The following PPP2R1B variants were observed in gnomAD, a reference collection of about 807,000 sequenced individuals.
The protein encoded by PPP2R1B is protein phosphatase 2 scaffold subunit Abeta.
Under a neutral mutation model 72.7 loss-of-function variants are expected in PPP2R1B, and 58 were observed. The ratio of observed to expected loss-of-function variants is 0.80; its 90% CI spans 0.65 to 0.99. The LOEUF is 0.99. Ranked by LOEUF, PPP2R1B falls within the 50% of genes least tolerant of loss-of-function variation. The pLI, the probability that PPP2R1B is intolerant of heterozygous loss-of-function variation, is 0.00. For missense variants in PPP2R1B, 695 were observed against 733.6 expected (o/e 0.95, Z 0.61); for synonymous variants, 256 against 264.6 (o/e 0.97, Z 0.32).
chr11:111,730,897 T>A (rs1944169014), intron 15 of PPP2R1B: 1 of 152,254 alleles, frequency 6.6e-6, no homozygotes, highest in Admixed American at 6.5e-5. Flanking sequence ...ATAGGGTTTT[T>A]GCCTCATCGG....
At chr11:111,746,929 C>T (rs1159357185) in intron 11 of PPP2R1B, among the ~76,000 whole-genome samples, 2 of 152,182 alleles carry the variant, frequency 1.3e-5, no homozygotes, top group Non-Finnish European at 2.9e-5. Context: ...TTCCTCTTCA[C>T]ACTCTTAACC....
Position 111,759,962 on chromosome 11 carries a change from A to C in PPP2R1B, c.540-11T>G. On this transcript the variant is annotated splice_polypyrimidine_tract_variant and intron_variant, in intron 4 of 14. Transcript: ENST00000527614. ...AAGGAACGGAATTGCCTGCAACATA[A>C]AACAATGAAGGTATTTCCCATCAAA... is the stretch of plus-strand genomic sequence containing the variant. 6.2e-7 allele frequency: 1 copy of C among 1,612,510 alleles called. No individual in the cohort carries two copies. Among genetic ancestry groups the C allele is most frequent in the Non-Finnish European group, 8.5e-7 (1 of 1,178,908 alleles).
chr11:111,733,293 G>A (rs895223883), downstream of PPP2R1B, among the ~76,000 whole-genome samples: 2 of 152,162 alleles, frequency 1.3e-5, no homozygotes, highest in Non-Finnish European at 2.9e-5. Flanking sequence ...GGGAAAGCAT[G>A]AGCTGGGCTG....
At position 111,766,261 on chromosome 11, in the gene PPP2R1B, T is replaced by C. The variant is rs541354746; in HGVS notation, c.101A>G (p.Asn34Ser). Residue 34 changes from asparagine to serine, a missense_variant, in exon 1 of 15, where the codon AAT becomes AGT. Asn to Ser is a conservative substitution (Grantham distance 46, BLOSUM62 1). Transcript: ENST00000527614. ...PIAVLIDELR[N>S]EDVQLRLNSI... is the part of the protein sequence containing the mutation. ...TCAGTCCAGTACCTGCACGTCTTCA[T>C]TGCGGAGCTCGTCGATTAAAACCGC... 12 of 1,613,954 alleles carry C rather than the reference T, an allele frequency of 7.4e-6. No individual in the cohort carries two copies. The highest frequency in any genetic ancestry group is 4.4e-5 in the South Asian group (4 of 91,080).
chr11:111,690,379 T>C, the PPP2R1B span, among the ~76,000 whole-genome samples: 3 of 151,144 alleles, frequency 2.0e-5, no homozygotes, highest in African/African-American at 4.9e-5. Flanking sequence ...ACCAAAACAA[T>C]AGCACAAAGG....
the PPP2R1B span, among the ~76,000 whole-genome samples, chr11:111,704,430 G>T: frequency 2.0e-5 from 3 of 152,138 alleles, no homozygotes; most frequent in African/African-American, 7.2e-5. Flanking sequence ...GTTTTAAGAG[G>T]GTGGGACTGC....
Position 111,764,818 on chromosome 11 carries a change from G to C in PPP2R1B, c.293C>G (p.Ala98Gly). The C allele has an allele frequency of 6.2e-7, 1 of 1,613,966 alleles. No individual in the cohort carries two copies. ...FTGLVGGPDF[A>G]HCLLPPLENL... ...ATAAATACTCACCAGCAGACAGTGG[G>C]CAAAGTCAGGACCTCCCACTAGGCC... Residue 98 changes from alanine (A) to glycine (G), a missense_variant, in exon 3 of 15, where the codon GCC (alanine) becomes GGC (glycine). By Grantham distance (60) the Ala-to-Gly change is moderately conservative. Coordinates refer to ENST00000527614, the MANE Select transcript of PPP2R1B (RefSeq NM_002716.5).
chr11:111,688,823 A>G, the PPP2R1B span, among the ~76,000 whole-genome samples: 1 of 152,234 alleles, frequency 6.6e-6, no homozygotes, highest in Non-Finnish European at 1.5e-5. This position sits in a 1 kb window ranked among gnomAD's most constrained non-coding sequence, Gnocchi z 4.2. Context: ...ATATGTGGAA[A>G]TCATTTCACA....
Position 111,741,209 on chromosome 11 carries a change from T to C in PPP2R1B, c.*387A>G, listed in dbSNP as rs1208734181. The C allele has an allele frequency of 2.1e-5, 21 of 1,019,674 alleles. No homozygotes were observed. The highest frequency in any genetic ancestry group is 5.3e-5 in the Admixed American group (1 of 18,962). 63.2% of individuals were successfully genotyped at this position (1,019,674 alleles called of 1,614,324 possible). ...AATGATGGAGAGACACAGAGATATA[T>C]GTAAACGTCAAGAGAATCACTCCAC... On this transcript the variant is annotated 3_prime_UTR_variant, in exon 15 of 15. Coordinates refer to ENST00000527614, the MANE Select transcript of PPP2R1B (RefSeq NM_002716.5).
At chr11:111,762,610 C>G (rs1220477439) in intron 3 of PPP2R1B, among the ~76,000 whole-genome samples, 1 of 149,294 alleles carries the variant, frequency 6.7e-6, no homozygotes, top group Non-Finnish European at 1.5e-5. Flanking sequence ...GGCTGAAGTG[C>G]AGTGGCACAA....
intron 5 of PPP2R1B, 65 bp downstream of exon 5, chr11:111,759,739 G>T: frequency 6.7e-7 from 1 of 1,486,092 alleles, no homozygotes; most frequent in East Asian, 2.3e-5. Context: ...ACTCCCCAAA[G>T]AAATTCTGAA....
intron 5 of PPP2R1B, among the ~76,000 whole-genome samples, chr11:111,757,068 C>T (rs571082404): frequency 2.0e-5 from 3 of 150,526 alleles, no homozygotes; most frequent in South Asian, 2.1e-4. Context: ...GAGCCGAGAT[C>T]GCGCCACTGC....
intron 4 of PPP2R1B, 82 bp downstream of exon 4, chr11:111,760,737 A>G: frequency 8.0e-7 from 1 of 1,257,032 alleles, no homozygotes; most frequent in South Asian, 1.3e-5. Flanking sequence ...ATTGTCAGCT[A>G]CAAGTCCCCA....
At chr11:111,720,991 G>A in the PPP2R1B span, 11 of 1,614,050 alleles carry the variant, frequency 6.8e-6, no homozygotes, top group Admixed American at 1.7e-5. Flanking sequence ...TGAACAAATA[G>A]GACCGGAGGC....
At chr11:111,693,542 T>C in the PPP2R1B span, among the ~76,000 whole-genome samples, 2 of 152,228 alleles carry the variant, frequency 1.3e-5, no homozygotes, top group Middle Eastern at 3.2e-3. Context: ...GTTCAGGCAT[T>C]AAGTTGAGAA....
the PPP2R1B span, among the ~76,000 whole-genome samples, chr11:111,719,575 G>C: frequency 6.6e-6 from 1 of 152,150 alleles, no homozygotes; most frequent in Non-Finnish European, 1.5e-5. Context: ...GTCATCATGG[G>C]CTTCTGTCTC....
At chr11:111,724,113 A>G (rs1222044267), downstream of PPP2R1B, 1 of 1,611,106 alleles carries the variant, frequency 6.2e-7, no homozygotes, top group South Asian at 1.1e-5. Context: ...CACAACGGGT[A>G]TGTCCTGGTG....
the PPP2R1B span, among the ~76,000 whole-genome samples, chr11:111,710,505 C>T: frequency 6.6e-6 from 1 of 152,122 alleles, no homozygotes; most frequent in African/African-American, 2.4e-5. Flanking sequence ...TCTAACATAT[C>T]CCCCCATCCT....
intron 8 of PPP2R1B, 145 bp from the exon 9 acceptor site, chr11:111,753,722 G>T: frequency 1.3e-6 from 1 of 786,644 alleles, no homozygotes; most frequent in Non-Finnish European, 1.9e-6. Flanking sequence ...ACCCTCCCAG[G>T]CTCAAGCACT....
Sources: gnomAD v4.1 joint callset for allele counts (sites outside exome capture counted in the v4.1 genomes callset) on GRCh38, gnomAD v4.1.1 for gene constraint, Gnocchi (gnomAD v3.1) non-coding constraint, MANE v1.5 for transcripts, NCBI Gene and HGNC (gene_info 2026-07-23, HGNC 2026-07-21) for gene names.